The following MAP3K5 variants were observed in gnomAD, a reference collection of about 807,000 sequenced individuals.
MAP3K5 encodes mitogen-activated protein kinase kinase kinase 5, also known as ASK-1.
A neutral mutation model predicts 158.7 loss-of-function variants in MAP3K5; 56 were observed. The observed-to-expected ratio is 0.35, with a 90% CI of 0.28 to 0.44. MAP3K5 has a LOEUF of 0.44. MAP3K5 is among the 20% of genes least tolerant of loss of function. MAP3K5 has a pLI of 1.00. For synonymous variants in MAP3K5, 579 were observed against 601.7 expected, an observed-to-expected ratio of 0.96 and a Z score of 0.55; for missense variants, 1,294 against 1,674.8, an observed-to-expected ratio of 0.77 and a Z score of 3.97.
At chr6:136,744,250 T>C (rs2114891202) in intron 1 of MAP3K5, among the ~76,000 whole-genome samples, 1 of 152,252 alleles carries the variant, frequency 6.6e-6, no homozygotes, top group African/African-American at 2.4e-5. Context: ...CAGAGGAGGC[T>C]GTGTTTGTGG....
At chr6:136,784,411 A>G (rs115751390) in intron 1 of MAP3K5, among the ~76,000 whole-genome samples, 1 of 152,320 alleles carries the variant, frequency 6.6e-6, no homozygotes, top group African/African-American at 2.4e-5. Context: ...TTATCCAAGA[A>G]AGCAAGAAGC....
At chr6:136,695,557 T>C (rs967265153) in intron 6 of MAP3K5, among the ~76,000 whole-genome samples, 1 of 152,262 alleles carries the variant, frequency 6.6e-6, no homozygotes, top group Non-Finnish European at 1.5e-5. Context: ...TATCTAACAC[T>C]ATGTTCACCT....
intron 1 of MAP3K5, among the ~76,000 whole-genome samples, chr6:136,771,380 T>C (rs772735410): frequency 1.3e-5 from 2 of 152,134 alleles, no homozygotes; most frequent in Non-Finnish European, 2.9e-5. Flanking sequence ...GATTGAGGAC[T>C]AGCTAAAACA....
rs560163682 is a variant in MAP3K5, at chr6:136,658,997, T to C, written c.1526+222A>G. ...CAATCTGGGCCAGTGGGTTGGTCAATGTGCAGGAGAGGCTAAGTCAGGAAC... is the reference window on the plus strand; with the variant it reads ...CAATCTGGGCCAGTGGGTTGGTCAACGTGCAGGAGAGGCTAAGTCAGGAAC... On this transcript the variant is annotated intron_variant, in intron 9 of 29. Coordinates refer to ENST00000359015, the MANE Select transcript of MAP3K5 (RefSeq NM_005923.4). 2.6e-5 allele frequency among the ~76,000 whole-genome samples: 4 copies of C among 152,334 alleles called. No individual in the cohort carries two copies. In the South Asian group the frequency reaches 8.3e-4, roughly 32 times the overall value.
chr6:136,746,946 T>C (rs1782987879), intron 1 of MAP3K5, among the ~76,000 whole-genome samples: 1 of 152,226 alleles, frequency 6.6e-6, no homozygotes, highest in Non-Finnish European at 1.5e-5. Flanking sequence ...CTGCTTCAAT[T>C]TTCTTTCGTT....
At chr6:136,722,765 C>T (rs1466184094) in intron 1 of MAP3K5, among the ~76,000 whole-genome samples, 1 of 148,192 alleles carries the variant, frequency 6.7e-6, no homozygotes, top group African/African-American at 2.5e-5. Context: ...TATATATGCA[C>T]AGCCTCAAAA....
In MAP3K5 at chr6:136,718,691, G is replaced by T. The variant is rs1323712010; in HGVS notation, c.588+1759C>A. Among the ~76,000 whole-genome samples the T allele has an allele frequency of 2.6e-5, 4 of 152,164 alleles. No individual in the cohort carries two copies. The South Asian group carries it at 6.2e-4, about 24-fold the overall frequency. On this transcript the variant is annotated intron_variant, in intron 2 of 29. Transcript: ENST00000359015. Reference sequence around the variant, plus strand: ...CTTAAAACAATAAGCCAGTTTATTTGTCCCGGACATATGTGTGGTAAGATT... The same window carrying T: ...CTTAAAACAATAAGCCAGTTTATTTTTCCCGGACATATGTGTGGTAAGATT...
chr6:136,579,195 C>A (rs1774755321), intron 25 of MAP3K5, among the ~76,000 whole-genome samples: 1 of 152,112 alleles, frequency 6.6e-6, no homozygotes, highest in African/African-American at 2.4e-5. Context: ...CTCTTTCTTT[C>A]TACCTACCTA....
intron 23 of MAP3K5, among the ~76,000 whole-genome samples, chr6:136,585,483 T>TTCTTTCTTTCTTTC (rs1775095592): frequency 7.5e-6 from 1 of 132,900 alleles, no homozygotes; most frequent in Non-Finnish European, 1.6e-5. Context: ...CTTTATTTAT[T>TTCTTTCTTTCTTTC]TATTTATTTA....
At chr6:136,610,745 G>A (rs1208938718) in intron 18 of MAP3K5, among the ~76,000 whole-genome samples, 1 of 151,004 alleles carries the variant, frequency 6.6e-6, no homozygotes, top group Non-Finnish European at 1.5e-5. Context: ...AACTAAGCAA[G>A]TCATATAAAT....
intron 7 of MAP3K5, among the ~76,000 whole-genome samples, chr6:136,675,599 A>C (rs1368959454): frequency 6.6e-6 from 1 of 152,140 alleles, no homozygotes; most frequent in Non-Finnish European, 1.5e-5. Context: ...TGTTATATAT[A>C]AGGTAATGAA....
intron 12 of MAP3K5, among the ~76,000 whole-genome samples, chr6:136,642,015 T>TATA (rs1554290927): frequency 9.0e-6 from 1 of 110,574 alleles, no homozygotes; most frequent in Non-Finnish European, 1.8e-5. Flanking sequence ...TAAAATAAAA[T>TATA]AAATAAAATA....
At chr6:136,600,398 T>C (rs1383841406) in intron 21 of MAP3K5, among the ~76,000 whole-genome samples, 1 of 151,942 alleles carries the variant, frequency 6.6e-6, no homozygotes, top group Non-Finnish European at 1.5e-5. Context: ...CTCACCATAT[T>C]GCCCAGGCTG....
chr6:136,765,716 G>T (rs1179739519), intron 1 of MAP3K5, among the ~76,000 whole-genome samples: 2 of 138,874 alleles, frequency 1.4e-5, no homozygotes, highest in Admixed American at 7.6e-5. Context: ...TTTTAGTAGA[G>T]ACAGGGTTTC....
intron 17 of MAP3K5, among the ~76,000 whole-genome samples, chr6:136,612,489 T>C (rs1776387162): frequency 6.6e-6 from 1 of 152,218 alleles, no homozygotes; most frequent in African/African-American, 2.4e-5. Flanking sequence ...TCCTGGAATA[T>C]GTAGGGACAT....
intron 14 of MAP3K5, among the ~76,000 whole-genome samples, chr6:136,628,662 T>C (rs1438127638): frequency 1.3e-5 from 2 of 152,178 alleles, no homozygotes; most frequent in Non-Finnish European, 2.9e-5. Context: ...AGATACAGAT[T>C]TAAAAGATTA....
chr6:136,774,166 C>T (rs1784318827), intron 1 of MAP3K5, among the ~76,000 whole-genome samples: 1 of 152,178 alleles, frequency 6.6e-6, no homozygotes, highest in South Asian at 2.1e-4. Flanking sequence ...AGCCAACCTC[C>T]TCCACACTTC....
intron 7 of MAP3K5, among the ~76,000 whole-genome samples, chr6:136,677,349 G>A (rs1431214574): frequency 6.6e-6 from 1 of 152,044 alleles, no homozygotes; most frequent in East Asian, 1.9e-4. Flanking sequence ...GTGTTAACCA[G>A]GATGGTCTCG....
At chr6:136,705,206 T>C (rs1041244514) in intron 2 of MAP3K5, 73 bp from the exon 3 acceptor site, 30 of 710,382 alleles carry the variant, frequency 4.2e-5, no homozygotes, top group Admixed American at 6.2e-5. Context: ...TATTGAACTA[T>C]GTGGGAAAAT....
Sources: gnomAD v4.1 joint callset for allele counts (sites outside exome capture counted in the v4.1 genomes callset) on GRCh38, gnomAD v4.1.1 for gene constraint, MANE v1.5 for transcripts, NCBI Gene and HGNC (gene_info 2026-07-23, HGNC 2026-07-21) for gene names.